TEAD1: variants seen among roughly 807,000 people sequenced by gnomAD.
The protein encoded by TEAD1 is transcriptional enhancer factor TEF-1.
In TEAD1, 9 loss-of-function variants were observed where a neutral mutation model predicts 54.9. The ratio of observed to expected loss-of-function variants is 0.16; its 90% confidence interval spans 0.10 to 0.29. The LOEUF (loss-of-function observed/expected upper bound fraction) is 0.29. Ranked by LOEUF, TEAD1 falls within the 10% of genes least tolerant of loss-of-function variation. The pLI is 1.00. For missense variants in TEAD1, 387 were observed against 535.9 expected, an observed-to-expected ratio of 0.72 and a Z score of 2.74; for synonymous variants, 200 against 187.8, an observed-to-expected ratio of 1.07 and a Z score of -0.53.
chr11:12,818,246 T>C (rs1371195852), intron 3 of TEAD1, among the ~76,000 whole-genome samples: 5 of 152,254 alleles, frequency 3.3e-5, no homozygotes, highest in Non-Finnish European at 7.3e-5. Context: ...AACTTAATCT[T>C]TTTAAATGTG....
intron 3 of TEAD1, among the ~76,000 whole-genome samples, chr11:12,861,415 G>T (rs376686089): frequency 6.6e-6 from 1 of 152,086 alleles, no homozygotes; most frequent in Non-Finnish European, 1.5e-5. Context: ...CTACCTTTAG[G>T]GGGTGTCTGC....
Position 12,741,244 on chromosome 11 carries a change from GT to G in TEAD1, c.-54-22927del, listed in dbSNP as rs756293229. Among the ~76,000 whole-genome samples, 6 of 151,524 alleles carry G rather than the reference GT, an allele frequency of 4.0e-5. No individual in the cohort carries two copies. In the East Asian group the frequency reaches 9.7e-4, roughly 25 times the overall value. The stretch of plus-strand genomic sequence containing the variant: ...CAGATTTCCTTTGCATTCATGTACT[GT>G]TTTTTTTAAGTCATTCTCTTCTTCA... On this transcript the variant is annotated intron_variant, in intron 2 of 12. Transcript: ENST00000527636.
Position 12,783,887 on chromosome 11 carries a change from A to C in TEAD1, c.202+19453A>C, listed in dbSNP as rs1160177245. ...AAGTGCCAGGCAAGGATGTTCGAAC[A>C]GTAAGATTAGAGGTTCTCAACTTTT... On this transcript the variant is annotated intron_variant, in intron 3 of 12. Transcript: ENST00000527636. Among the ~76,000 whole-genome samples, 3 of 152,190 alleles carry C rather than the reference A, an allele frequency of 2.0e-5. 1 individual carries two copies. Among genetic ancestry groups the C allele is most frequent in the Non-Finnish European group, 4.4e-5 (3 of 68,024 alleles).
intron 2 of TEAD1, among the ~76,000 whole-genome samples, chr11:12,714,595 T>G (rs1161503087): frequency 6.6e-6 from 1 of 152,176 alleles, no homozygotes; most frequent in African/African-American, 2.4e-5. Flanking sequence ...GACTCATCCC[T>G]CTTTCATTCA....
chr11:12,848,156 T>C (rs1373741543), intron 3 of TEAD1, among the ~76,000 whole-genome samples: 1 of 152,230 alleles, frequency 6.6e-6, no homozygotes, highest in Non-Finnish European at 1.5e-5. Context: ...GCTTCTAGCC[T>C]CATTTCTCTT....
chr11:12,847,642 G>T (rs972925092), intron 3 of TEAD1, among the ~76,000 whole-genome samples: 1 of 152,232 alleles, frequency 6.6e-6, no homozygotes, highest in South Asian at 2.1e-4. Context: ...AATTTTTTAC[G>T]GATAGAATGT....
chr11:12,704,148 A>T (rs1590067413), intron 2 of TEAD1, among the ~76,000 whole-genome samples: 1 of 152,050 alleles, frequency 6.6e-6, no homozygotes, highest in Non-Finnish European at 1.5e-5. Context: ...TTGTGTTGGG[A>T]GCTCCCCTCC....
At chr11:12,732,789 C>T (rs1258051835) in intron 2 of TEAD1, among the ~76,000 whole-genome samples, 1 of 152,146 alleles carries the variant, frequency 6.6e-6, no homozygotes, top group East Asian at 1.9e-4. Flanking sequence ...GACCAGAAAC[C>T]AGCCACCCAG....
intron 2 of TEAD1, among the ~76,000 whole-genome samples, chr11:12,733,525 A>G (rs756399081): frequency 1.3e-5 from 2 of 152,174 alleles, no homozygotes; most frequent in African/African-American, 2.4e-5. Context: ...TGGGAATTTA[A>G]CAGCTTCTTC....
chr11:12,881,865 T>C (rs751419820), intron 7 of TEAD1, 31 bp from the exon 8 acceptor site: 18 of 1,612,540 alleles, frequency 1.1e-5, no homozygotes, highest in Middle Eastern at 1.6e-4. Context: ...ATGCGATCTC[T>C]TAACTCTGTC....
chr11:12,852,072 C>T (rs1947285603), intron 3 of TEAD1, among the ~76,000 whole-genome samples: 2 of 152,110 alleles, frequency 1.3e-5, no homozygotes, highest in African/African-American at 4.8e-5. Context: ...ATGAATAGGA[C>T]TTTGCAGGTA....
intron 2 of TEAD1, among the ~76,000 whole-genome samples, chr11:12,753,056 G>A (rs1449397680): frequency 6.6e-6 from 1 of 150,700 alleles, no homozygotes; most frequent in African/African-American, 2.4e-5. Context: ...TGTTGCCCAG[G>A]CTGCTCTCAA....
chr11:12,882,714 T>C (rs981884079), intron 8 of TEAD1, among the ~76,000 whole-genome samples: 3 of 152,204 alleles, frequency 2.0e-5, no homozygotes, highest in Admixed American at 1.3e-4. Flanking sequence ...CTTGGCTTGG[T>C]CCCCAAGTAG....
chr11:12,818,193 A>G (rs1318918229), intron 3 of TEAD1, among the ~76,000 whole-genome samples: 1 of 152,148 alleles, frequency 6.6e-6, no homozygotes, highest in Admixed American at 6.5e-5. Context: ...CTTACTTTTC[A>G]TCTATATGAC....
At chr11:12,707,115 T>C (rs1473962063) in intron 2 of TEAD1, among the ~76,000 whole-genome samples, 2 of 45,474 alleles carry the variant, frequency 4.4e-5, no homozygotes, top group African/African-American at 1.6e-4. Context: ...CTTGTGGGAC[T>C]TTTTTTTTTT....
chr11:12,736,341 G>A (rs1232827330), intron 2 of TEAD1, among the ~76,000 whole-genome samples: 2 of 152,038 alleles, frequency 1.3e-5, no homozygotes, highest in African/African-American at 2.4e-5. Context: ...ACAAACTTCA[G>A]GAAAGATAGG....
intron 2 of TEAD1, among the ~76,000 whole-genome samples, chr11:12,736,520 T>G (rs190264650): frequency 2.6e-5 from 4 of 152,352 alleles, no homozygotes; most frequent in Admixed American, 6.5e-5. Context: ...GAAGATGCAA[T>G]TTATTAGTGA....
chr11:12,838,271 TG>T (rs1178011474), intron 3 of TEAD1, among the ~76,000 whole-genome samples: 1 of 152,218 alleles, frequency 6.6e-6, no homozygotes. Flanking sequence ...TAGGGGCATT[TG>T]GAGCACTGTA....
At chr11:12,853,592 T>C (rs1947316431) in intron 3 of TEAD1, among the ~76,000 whole-genome samples, 1 of 152,264 alleles carries the variant, frequency 6.6e-6, no homozygotes, top group Non-Finnish European at 1.5e-5. Flanking sequence ...ACTTCATTCA[T>C]ATTTCTTTTT....
Sources: allele counts gnomAD v4.1 joint callset (sites outside exome capture counted in the v4.1 genomes callset), GRCh38; gene constraint gnomAD v4.1.1; transcripts MANE v1.5; gene names NCBI Gene and HGNC (gene_info 2026-07-23, HGNC 2026-07-21).